Variants in FARS2 observed in about 807,000 individuals in gnomAD.
The protein encoded by FARS2 is phenylalanyl-tRNA synthetase 2, mitochondrial, also known as phenylalanine--tRNA ligase, mitochondrial.
Under a neutral mutation model 46.4 loss-of-function variants are expected in FARS2, and 40 were observed. The observed-to-expected ratio is 0.86, with a 90% CI of 0.67 to 1.12. The LOEUF is 1.12. FARS2 is among the 50% of genes most tolerant of loss of function. FARS2 has a pLI of 0.00. For synonymous variants in FARS2, 234 were observed against 214.9 expected (o/e 1.09, Z -0.78); for missense variants, 513 against 567.9 (o/e 0.90, Z 0.98).
intron 2 of FARS2, among the ~76,000 whole-genome samples, chr6:5,372,632 T>C (rs1402049091): frequency 6.6e-6 from 1 of 152,074 alleles, no homozygotes; most frequent in Non-Finnish European, 1.5e-5. Context: ...GCTTCATGGG[T>C]TAAAGAGAAA....
chr6:5,534,452 C>G (rs574345250), intron 4 of FARS2, among the ~76,000 whole-genome samples: 2 of 152,300 alleles, frequency 1.3e-5, no homozygotes, highest in Non-Finnish European at 2.9e-5. Flanking sequence ...CATGCTCCCT[C>G]CAGTGCCTAG....
chr6:5,265,776 G>A (rs977916115), intron 1 of FARS2, among the ~76,000 whole-genome samples: 6 of 152,184 alleles, frequency 3.9e-5, no homozygotes, highest in African/African-American at 1.4e-4. Context: ...TTTTAAGGGT[G>A]AAAACAGCAA....
chr6:5,729,773 AT>A (rs1429214738), intron 6 of FARS2, among the ~76,000 whole-genome samples: 1 of 152,102 alleles, frequency 6.6e-6, no homozygotes, highest in African/African-American at 2.4e-5. Context: ...CAAGGCACAT[AT>A]TTTCAAGTAT....
At chr6:5,256,568 T>C (rs2127781822), upstream of FARS2, among the ~76,000 whole-genome samples, 1 of 144,174 alleles carries the variant, frequency 6.9e-6, no homozygotes, top group South Asian at 2.3e-4. Flanking sequence ...CAGGACCCTT[T>C]TACACTGTGT....
intron 6 of FARS2, among the ~76,000 whole-genome samples, chr6:5,640,912 C>A (rs1776784358): frequency 6.6e-6 from 1 of 152,184 alleles, no homozygotes; most frequent in Non-Finnish European, 1.5e-5. Context: ...GTGTCTGAGT[C>A]TTCTAAGAAG....
chr6:5,492,877 T>G (rs975956198), intron 4 of FARS2, among the ~76,000 whole-genome samples: 2 of 151,838 alleles, frequency 1.3e-5, no homozygotes, highest in African/African-American at 2.4e-5. Context: ...ACCTTGCTCC[T>G]GCCCTGCCAC....
intron 1 of FARS2, among the ~76,000 whole-genome samples, chr6:5,298,033 A>C (rs545053722): frequency 4.9e-4 from 74 of 152,388 alleles, no homozygotes; most frequent in African/African-American, 1.7e-3. Flanking sequence ...GACTTTGAAC[A>C]TTTAGATACA....
At chr6:5,759,364 T>G (rs900235203) in intron 6 of FARS2, among the ~76,000 whole-genome samples, 1 of 152,208 alleles carries the variant, frequency 6.6e-6, no homozygotes, top group African/African-American at 2.4e-5. Flanking sequence ...ACATTGTAAT[T>G]TACATTTCTT....
At chr6:5,329,261 C>G (rs372742946) in intron 1 of FARS2, among the ~76,000 whole-genome samples, 1 of 152,174 alleles carries the variant, frequency 6.6e-6, no homozygotes, top group East Asian at 1.9e-4. Context: ...ATTTATAAAA[C>G]AAGCCATGTG....
intron 4 of FARS2, chr6:5,457,158 C>T (rs200205): frequency 0.63 from 96,039 of 152,160 alleles, 30,470 homozygotes; most frequent in African/African-American, 0.66. Flanking sequence ...ACATGGGGTG[C>T]ACCCTGTCTC....
intron 4 of FARS2, among the ~76,000 whole-genome samples, chr6:5,516,362 G>A (rs1443673757): frequency 6.6e-6 from 1 of 152,224 alleles, no homozygotes; most frequent in Admixed American, 6.5e-5. Flanking sequence ...GTAATTGACA[G>A]CAGTAGTAAC....
intron 3 of FARS2, among the ~76,000 whole-genome samples, chr6:5,412,226 T>G (rs1444882733): frequency 2.0e-5 from 3 of 152,220 alleles, no homozygotes; most frequent in African/African-American, 4.8e-5. Context: ...TTGCCTCAGC[T>G]GCAGGGAGCC....
At chr6:5,616,226 A>T (rs904261694) in intron 6 of FARS2, among the ~76,000 whole-genome samples, 1 of 152,114 alleles carries the variant, frequency 6.6e-6, no homozygotes, top group Non-Finnish European at 1.5e-5. Context: ...AATAGAATGT[A>T]TGGGGTAGTC....
chr6:5,687,008 A>T (rs1461714553), intron 6 of FARS2, among the ~76,000 whole-genome samples: 2 of 152,148 alleles, frequency 1.3e-5, no homozygotes, highest in Non-Finnish European at 2.9e-5. Context: ...TTCTTTTGAG[A>T]AGTATCTGTT....
At chr6:5,570,365 G>C (rs1334863406) in intron 5 of FARS2, among the ~76,000 whole-genome samples, 1 of 152,102 alleles carries the variant, frequency 6.6e-6, no homozygotes, top group African/African-American at 2.4e-5. Flanking sequence ...TGAGTATTAT[G>C]GTGTGCACTT....
At chr6:5,669,841 G>C (rs1192415854) in intron 6 of FARS2, among the ~76,000 whole-genome samples, 1 of 152,160 alleles carries the variant, frequency 6.6e-6, no homozygotes, top group Non-Finnish European at 1.5e-5. Flanking sequence ...TGAAGGAGAA[G>C]AGGCTGAGTT....
At chr6:5,279,398 AAG>A (rs1766568383) in intron 1 of FARS2, among the ~76,000 whole-genome samples, 1 of 150,448 alleles carries the variant, frequency 6.6e-6, no homozygotes, top group South Asian at 2.1e-4. Flanking sequence ...GAAAAAGAAA[AAG>A]AAAAAAAGAA....
chr6:5,374,018 T>C (rs973500599), intron 2 of FARS2, among the ~76,000 whole-genome samples: 4 of 152,084 alleles, frequency 2.6e-5, no homozygotes, highest in Admixed American at 2.6e-4. Context: ...ATGTGATAAA[T>C]GGTATTGTAT....
chr6:5,281,638 GC>G (rs1396958547), intron 1 of FARS2, among the ~76,000 whole-genome samples: 1 of 96,426 alleles, frequency 1.0e-5, no homozygotes, highest in Non-Finnish European at 2.7e-5. Flanking sequence ...CACCCCCCCT[GC>G]CCCCGGTAAC....
Sources: gnomAD v4.1 joint callset for allele counts (sites outside exome capture counted in the v4.1 genomes callset) on GRCh38, gnomAD v4.1.1 for gene constraint, MANE v1.5 for transcripts, NCBI Gene and HGNC (gene_info 2026-07-23, HGNC 2026-07-21) for gene names.